Variants in RB1 observed in about 807,000 individuals in gnomAD.
The protein encoded by RB1 is RB transcriptional corepressor 1.
A neutral mutation model predicts 135.4 loss-of-function variants in RB1; 18 were observed. That is an observed-to-expected ratio of 0.13 (90% CI 0.09 to 0.20). The LOEUF (loss-of-function observed/expected upper bound fraction) is 0.20. Ranked by LOEUF, RB1 falls within the 10% of genes least tolerant of loss-of-function variation. The probability of loss-of-function intolerance (pLI) is 1.00; values close to 1 mark genes in which losing one functional copy is unlikely to be tolerated. For synonymous variants in RB1, 365 were observed against 373.2 expected (o/e 0.98, Z 0.25); for missense variants, 868 against 1,110.0 (o/e 0.78, Z 3.10).
At chr13:48,430,873 AG>A (rs1313041687) in intron 17 of RB1, among the ~76,000 whole-genome samples, 17 of 152,228 alleles carry the variant, frequency 1.1e-4, no homozygotes, top group Non-Finnish European at 2.9e-5. Flanking sequence ...GGGCTGCAGT[AG>A]GCCATGCCAC....
rs755482658 is a variant in RB1 at position 48,303,929 on chromosome 13, C to T, written c.17C>T (p.Pro6Leu). The change falls in exon 1 of 27, where the codon CCC (proline) becomes CTC (leucine). Residue 6 changes from proline to leucine, a missense_variant. By Grantham distance (98) the Pro-to-Leu change is moderately conservative (BLOSUM62 -3). Around this residue, in one of 3 missense-constraint regions of RB1, gnomAD observed 641 missense variants for 791.3 expected, o/e 0.81. Coordinates refer to ENST00000267163, the MANE Select transcript of RB1 (RefSeq NM_000321.3). MPPKT[P>L]RKTAATAAAA... ...AAAGGCGTCATGCCGCCCAAAACCCCCCGAAAAACGGCCGCCACCGCCGCC... is the reference window on the plus strand; with the variant it reads ...AAAGGCGTCATGCCGCCCAAAACCCTCCGAAAAACGGCCGCCACCGCCGCC... 9 of 1,511,700 alleles carry T rather than the reference C, an allele frequency of 6.0e-6. No homozygotes were observed. Among genetic ancestry groups the T allele is most frequent in the South Asian group, 4.9e-5 (4 of 81,670 alleles). The allele number at this position is 1,511,700 out of a possible 1,614,324, so 93.6% of individuals were successfully genotyped here.
intron 6 of RB1, among the ~76,000 whole-genome samples, chr13:48,355,143 G>GA (rs1271814169): frequency 6.6e-6 from 1 of 151,418 alleles, no homozygotes; most frequent in Admixed American, 6.6e-5. Context: ...CCACAGAATG[G>GA]AAAAAATATT....
intron 17 of RB1, among the ~76,000 whole-genome samples, chr13:48,422,352 C>T (rs1009131405): frequency 7.2e-5 from 11 of 152,084 alleles, no homozygotes; most frequent in Admixed American, 6.6e-4. Context: ...GAACATCACA[C>T]ATCGGGGCCT....
At chr13:48,377,879 C>T (rs1362985870) in intron 13 of RB1, among the ~76,000 whole-genome samples, 1 of 152,082 alleles carries the variant, frequency 6.6e-6, no homozygotes, top group Non-Finnish European at 1.5e-5. Context: ...GCCTCTACAG[C>T]ATGTGTACTG....
intron 23 of RB1, among the ~76,000 whole-genome samples, chr13:48,472,571 T>C (rs560808419): frequency 8.2e-4 from 125 of 152,312 alleles, no homozygotes; most frequent in Non-Finnish European, 1.2e-3. Context: ...GGCTACTTGC[T>C]GATCCTTAGT....
intron 2 of RB1, among the ~76,000 whole-genome samples, chr13:48,312,526 G>C (rs1417653098): frequency 6.6e-6 from 1 of 152,182 alleles, no homozygotes; most frequent in Non-Finnish European, 1.5e-5. Flanking sequence ...GGAAGAAGTG[G>C]AATTTTACAC....
At chr13:48,452,407 T>C (rs1400588778) in intron 17 of RB1, among the ~76,000 whole-genome samples, 1 of 152,160 alleles carries the variant, frequency 6.6e-6, no homozygotes, top group Non-Finnish European at 1.5e-5. Context: ...TTTTATTTCT[T>C]TTTTATTGAG....
intron 18 of RB1, among the ~76,000 whole-genome samples, chr13:48,453,869 G>A (rs928098104): frequency 7.9e-5 from 12 of 152,324 alleles, no homozygotes; most frequent in African/African-American, 2.9e-4. Context: ...TGAACATAGA[G>A]TCACTGTCTG....
chr13:48,316,544 A>G (rs1287347465), intron 2 of RB1, among the ~76,000 whole-genome samples: 2 of 152,190 alleles, frequency 1.3e-5, no homozygotes, highest in African/African-American at 4.8e-5. Flanking sequence ...AAATTGAACA[A>G]CAGTATTTTC....
In RB1 at chr13:48,464,981, T is replaced by TTTTTTTTTTTTTC. The variant is rs1949429276; in HGVS notation, c.2212-16_2212-15insTTTTTTTTTTTCT. On this transcript the variant is annotated splice_polypyrimidine_tract_variant and intron_variant, in intron 21 of 26. Transcript: ENST00000267163. ...TACTTTTTTTTTTTTTTTTTTTTTT[T>TTTTTTTTTTTTTC]TACTGTTCTTCCTCAGACATTCAAA... 1 of 1,462,430 alleles carries TTTTTTTTTTTTTC rather than the reference T, an allele frequency of 6.8e-7. No individual in the cohort carries two copies. Among genetic ancestry groups the TTTTTTTTTTTTTC allele is most frequent in the Non-Finnish European group, 9.2e-7 (1 of 1,091,392 alleles). 90.6% of individuals were successfully genotyped at this position (1,462,430 alleles called of 1,614,324 possible).
intron 23 of RB1, among the ~76,000 whole-genome samples, chr13:48,467,306 C>T (rs1949452336): frequency 7.7e-6 from 1 of 130,702 alleles, no homozygotes; most frequent in Admixed American, 8.0e-5. Flanking sequence ...TCCAGCCAAA[C>T]TAAGCTTCAT....
At position 48,381,276 on chromosome 13, in the gene RB1, A is replaced by G. The variant is rs917780773; in HGVS notation, c.1528A>G (p.Thr510Ala). Reference sequence around the variant, plus strand: ...TACATCTCAGAATCTTGATTCTGGAACAGATTTGTCTTTCCCATGGATTCT... The same window carrying G: ...TACATCTCAGAATCTTGATTCTGGAGCAGATTTGTCTTTCCCATGGATTCT... Reference protein sequence around the residue: ...RSTSQNLDSGTDLSFPWILNV... With the variant: ...RSTSQNLDSGADLSFPWILNV... The change falls in exon 17 of 27, where the codon ACA becomes GCA. Residue 510 changes from threonine to alanine, a missense_variant. Thr to Ala is a moderately conservative substitution (Grantham distance 58, BLOSUM62 0). Transcript: ENST00000267163. 6.2e-7 allele frequency: 1 copy of G among 1,611,368 alleles called. No individual in the cohort carries two copies. The highest frequency in any genetic ancestry group is 8.5e-7 in the Non-Finnish European group (1 of 1,179,090).
chr13:48,319,539 C>T lies in RB1; in HGVS notation c.264+12133C>T, dbSNP rs1056801698. The T allele has an allele frequency of 3.8e-6, 1 of 261,946 alleles. No individual in the cohort carries two copies. The allele number at this position is 261,946 out of a possible 1,614,324, so 16.2% of individuals were successfully genotyped here. A position where few individuals can be genotyped will look rare whatever the true frequency, so the allele number is the denominator to read the frequency against. ...GCAGGGGGCTGCTGGCTTCGGGCTG[C>T]CCTTGTTCTCCTGCTTGGTCGTGAC... On this transcript the variant is annotated intron_variant, in intron 2 of 26. Transcript: ENST00000267163. The surrounding 1 kb of genome is among the most constrained non-coding windows in gnomAD (Gnocchi z 5.0).
chr13:48,411,929 T>C (rs1217677089), intron 17 of RB1: 1 of 1,612,610 alleles, frequency 6.2e-7, no homozygotes, highest in African/African-American at 1.3e-5. Flanking sequence ...AGCAGGCTTC[T>C]GAGGCATTGT....
intron 17 of RB1, chr13:48,415,888 A>T (rs1651872700): frequency 6.6e-6 from 1 of 152,242 alleles, no homozygotes; most frequent in Non-Finnish European, 1.5e-5. Context: ...AAGGAACCAA[A>T]GGGGAATTTA....
chr13:48,319,423 C>A lies in RB1; in HGVS notation c.264+12017C>A. ...CTGCTGGAGTCTGACGCCTCGGGCG[C>A]CTGCGCCGCACTTGTGACTTGCTTT... On this transcript the variant is annotated intron_variant, in intron 2 of 26. Transcript: ENST00000267163. The surrounding 1 kb of genome is among the most constrained non-coding windows in gnomAD (Gnocchi z 5.0). 1 of 376,850 alleles carries A rather than the reference C, an allele frequency of 2.7e-6. No individual in the cohort carries two copies. The highest frequency in any genetic ancestry group is 5.0e-6 in the Non-Finnish European group (1 of 200,782). 23.3% of individuals were successfully genotyped at this position (376,850 alleles called of 1,614,324 possible).
intron 2 of RB1, among the ~76,000 whole-genome samples, chr13:48,332,306 C>T (rs540178174): frequency 2.0e-5 from 3 of 152,288 alleles, no homozygotes; most frequent in South Asian, 2.1e-4. Flanking sequence ...TGGCAGCTCA[C>T]GCCTATAATC....
At chr13:48,403,977 G>T (rs999363430) in intron 17 of RB1, among the ~76,000 whole-genome samples, 1 of 152,072 alleles carries the variant, frequency 6.6e-6, no homozygotes, top group African/African-American at 2.4e-5. Flanking sequence ...TTCCAGTCTG[G>T]GTGACAGAAT....
At chr13:48,412,133 A>G (rs1397894445) in intron 17 of RB1, 4 of 1,613,888 alleles carry the variant, frequency 2.5e-6, no homozygotes, top group Admixed American at 1.7e-5. Flanking sequence ...ACATGTTGGT[A>G]TAAAACAGCA....
Sources: gnomAD v4.1 joint callset for allele counts (sites outside exome capture counted in the v4.1 genomes callset) on GRCh38, gnomAD v4.1.1 for gene constraint, gnomAD v4.1.1 regional missense constraint, Gnocchi (gnomAD v3.1) non-coding constraint, MANE v1.5 for transcripts, NCBI Gene and HGNC (gene_info 2026-07-23, HGNC 2026-07-21) for gene names.